PHF24: variants seen among roughly 807,000 people sequenced by gnomAD.
PHF24 encodes Galpha inhibitory interacting protein.
Under a neutral mutation model 42.6 loss-of-function variants are expected in PHF24, and 25 were observed. The ratio of observed to expected loss-of-function variants is 0.59; its 90% CI spans 0.43 to 0.82. PHF24 has a LOEUF of 0.82. Ranked by LOEUF, PHF24 falls within the 40% of genes least tolerant of loss-of-function variation. The probability of loss-of-function intolerance (pLI) is 0.00; values close to 1 mark genes in which losing one functional copy is unlikely to be tolerated. For synonymous variants in PHF24, 185 were observed against 204.8 expected (o/e 0.90, Z 0.83); for missense variants, 470 against 538.1 (o/e 0.87, Z 1.25).
the PHF24 span, among the ~76,000 whole-genome samples, chr9:34,944,979 C>T: frequency 5.3e-5 from 8 of 152,032 alleles, no homozygotes; most frequent in Non-Finnish European, 1.0e-4. Context: ...GTTAATCGTC[C>T]TCTGATTCTC....
chr9:34,846,587 G>A, the PHF24 span, among the ~76,000 whole-genome samples: 2 of 151,966 alleles, frequency 1.3e-5, no homozygotes, highest in Non-Finnish European at 2.9e-5. Context: ...TTGCTGTGCA[G>A]AAGCTCTTTA....
At chr9:34,682,182 A>G in the PHF24 span, among the ~76,000 whole-genome samples, 1 of 134,726 alleles carries the variant, frequency 7.4e-6, no homozygotes, top group African/African-American at 2.8e-5. Context: ...TTGTGGAGAC[A>G]TTGCCCAGAC....
At chr9:34,978,591 C>T (rs1467819336) in exon 8 of PHF24, 2 of 155,932 alleles carry the variant, frequency 1.3e-5, no homozygotes, top group Admixed American at 6.2e-5. Flanking sequence ...GTCAGACTCG[C>T]ATGCCTGCCT....
Position 34,972,446 on chromosome 9 carries a change from G to A in PHF24, c.479G>A (p.Arg160His), listed in dbSNP as rs200224199. 5.5e-5 allele frequency: 89 copies of A among 1,614,170 alleles called. No individual in the cohort carries two copies. Among genetic ancestry groups the A allele is most frequent in the Admixed American group, 1.2e-4 (7 of 60,028 alleles). Reference sequence around the variant, plus strand: ...AGGGTTTTCCATGATGGCTGCCTGCGCCGCATGGGCTACATCCAAGGAGAC... The same window carrying A: ...AGGGTTTTCCATGATGGCTGCCTGCACCGCATGGGCTACATCCAAGGAGAC... Residue 160 changes from arginine (R) to histidine (H), a missense_variant, in exon 3 of 8, where the codon CGC becomes CAC. Transcript: ENST00000242315.
the PHF24 span, chr9:34,923,058 T>C: frequency 4.4e-6 from 2 of 454,424 alleles, no homozygotes; most frequent in Non-Finnish European, 3.8e-6. Context: ...TGTTTTTTTT[T>C]TTTTTTTAAT....
the PHF24 span, among the ~76,000 whole-genome samples, chr9:34,927,452 G>A: frequency 6.6e-6 from 1 of 152,112 alleles, no homozygotes; most frequent in African/African-American, 2.4e-5. Context: ...GGGGGGAATG[G>A]GGAGTGCACA....
chr9:34,738,244 G>A, the PHF24 span, among the ~76,000 whole-genome samples: 1 of 152,122 alleles, frequency 6.6e-6, no homozygotes, highest in Non-Finnish European at 1.5e-5. Context: ...TAATAATATT[G>A]TAATTGTTTT....
At chr9:34,836,180 T>C in the PHF24 span, 1 of 373,818 alleles carries the variant, frequency 2.7e-6, no homozygotes, top group Non-Finnish European at 5.3e-6. Flanking sequence ...CCTTCATGTC[T>C]ACTCCTCTAC....
the PHF24 span, among the ~76,000 whole-genome samples, chr9:34,897,746 T>TA: frequency 6.6e-6 from 1 of 152,142 alleles, no homozygotes; most frequent in African/African-American, 2.4e-5. Context: ...TCTTTAGTGG[T>TA]GATTTGTGAG....
chr9:34,926,404 G>GT, the PHF24 span, among the ~76,000 whole-genome samples: 1 of 152,190 alleles, frequency 6.6e-6, no homozygotes, highest in Non-Finnish European at 1.5e-5. The surrounding 1 kb of genome is among the most constrained non-coding windows in gnomAD (Gnocchi z 4.3). Context: ...CTTAGGCCTG[G>GT]TATATGGGTG....
the PHF24 span, among the ~76,000 whole-genome samples, chr9:34,875,242 A>G: frequency 6.6e-6 from 1 of 152,218 alleles, no homozygotes; most frequent in South Asian, 2.1e-4. Context: ...CTGTTCTTGC[A>G]TCACTGCAGT....
the PHF24 span, among the ~76,000 whole-genome samples, chr9:34,740,499 CG>C: frequency 1.3e-5 from 2 of 152,218 alleles, no homozygotes; most frequent in African/African-American, 4.8e-5. Flanking sequence ...CCTCATTGCC[CG>C]GGGCCGGCAG....
upstream of PHF24, among the ~76,000 whole-genome samples, chr9:34,955,419 G>A (rs976862883): frequency 1.4e-5 from 2 of 147,540 alleles, no homozygotes; most frequent in Admixed American, 6.9e-5. Flanking sequence ...TGGCTCACCT[G>A]TAATCCCAGC....
At chr9:34,977,492 G>A in intron 6 of PHF24, 54 bp from the exon 7 acceptor site, 7 of 1,526,476 alleles carry the variant, frequency 4.6e-6, no homozygotes, top group Non-Finnish European at 5.4e-6. Flanking sequence ...GAGTTTGGGA[G>A]GGGGCAGGCA....
chr9:34,866,962 C>T, the PHF24 span, among the ~76,000 whole-genome samples: 3 of 152,184 alleles, frequency 2.0e-5, no homozygotes, highest in Non-Finnish European at 4.4e-5. Context: ...AGTACTGAAA[C>T]TAAATCCTCC....
chr9:34,711,211 G>A, the PHF24 span, among the ~76,000 whole-genome samples: 1 of 151,470 alleles, frequency 6.6e-6, no homozygotes, highest in Non-Finnish European at 1.5e-5. Context: ...ATAGAAAAAA[G>A]TGGGGCTACA....
chr9:34,833,819 A>G, the PHF24 span: 41 of 1,551,596 alleles, frequency 2.6e-5, no homozygotes, highest in Admixed American at 3.9e-5. Context: ...AAATGAAACC[A>G]TCTAAATCAG....
the PHF24 span, among the ~76,000 whole-genome samples, chr9:34,907,224 C>T: frequency 6.6e-6 from 1 of 152,198 alleles, no homozygotes; most frequent in East Asian, 1.9e-4. Context: ...CTCTACCTCT[C>T]ACTTTCCCTT....
the PHF24 span, chr9:34,709,666 G>A: frequency 1.5e-5 from 25 of 1,613,890 alleles, no homozygotes; most frequent in African/African-American, 4.0e-5. Flanking sequence ...GCCTGAGAGC[G>A]CTTGCGGGGC....
Sources: gnomAD v4.1 joint callset for allele counts (sites outside exome capture counted in the v4.1 genomes callset) on GRCh38, gnomAD v4.1.1 for gene constraint, Gnocchi (gnomAD v3.1) non-coding constraint, MANE v1.5 for transcripts, NCBI Gene and HGNC (gene_info 2026-07-23, HGNC 2026-07-21) for gene names.